PTPRO: variants seen among roughly 807,000 people sequenced by gnomAD.
The protein encoded by PTPRO is protein tyrosine phosphatase receptor type O.
PTPRO carries 62 observed loss-of-function variants against 145.2 expected under a neutral mutation model. The ratio of observed to expected loss-of-function variants is 0.43; its 90% CI spans 0.35 to 0.53. The LOEUF is 0.53. Among genes scored for constraint, PTPRO ranks in the 20% least tolerant of loss-of-function variants. The pLI is 0.01. For missense variants in PTPRO, 1,345 were observed against 1,482.7 expected (o/e 0.91, Z 1.53); for synonymous variants, 565 against 514.7 (o/e 1.10, Z -1.32).
chr12:15,347,931 T>C (rs1937647503), intron 1 of PTPRO, among the ~76,000 whole-genome samples: 1 of 152,158 alleles, frequency 6.6e-6, no homozygotes, highest in Admixed American at 6.5e-5. Context: ...TCTAATATAC[T>C]TAAAAGACAG....
rs1031150229 is a variant in PTPRO at position 15,526,225 on chromosome 12, A to G, written c.2127A>G (p.Arg709=). 23 of 1,613,886 alleles carry G rather than the reference A, an allele frequency of 1.4e-5. No homozygotes were observed. The African/African-American group carries it at 2.1e-4, about 15-fold the overall frequency. ...TCTCAGTAACTGCTTGTACTGAAAG[A>G]GGAAGTAATACCTCCATGCTCCGCC... is the stretch of plus-strand genomic sequence containing the variant. ...YNLSVTACTE[R]GSNTSMLRLV... Residue 709 remains arginine (R), a synonymous_variant, in exon 12 of 27, where the codon AGA becomes AGG. Transcript: ENST00000281171.
intron 23 of PTPRO, among the ~76,000 whole-genome samples, chr12:15,582,087 G>A (rs1183232546): frequency 6.6e-6 from 1 of 152,232 alleles, no homozygotes; most frequent in African/African-American, 2.4e-5. Context: ...GATGGGTCTG[G>A]CTAGTTATCT....
At chr12:15,415,575 G>C (rs7962905) in intron 1 of PTPRO, among the ~76,000 whole-genome samples, 2 of 149,980 alleles carry the variant, frequency 1.3e-5, no homozygotes, top group South Asian at 4.2e-4. Flanking sequence ...TAGTAGAGAC[G>C]GGGTTTCACT....
chr12:15,595,040 A>T lies in PTPRO; in HGVS notation c.3650A>T (p.Ter1217LeuextTer25). 6.2e-7 allele frequency: 1 copy of T among 1,611,748 alleles called. No individual in the cohort carries two copies. The highest frequency in any genetic ancestry group is 8.5e-7 in the Non-Finnish European group (1 of 1,177,998). ...DVIYENVSKS[*>L] ...ATATACGAGAATGTTAGCAAGTCCT[A>T]GTTCAGAATCCGGAGCAGTAAGTGG... The change falls in exon 26 of 27, where the codon TAG (stop) becomes TTG (leucine). Residue 1217 changes from the stop codon to leucine (L), a stop_lost. Coordinates refer to ENST00000281171, the MANE Select transcript of PTPRO (RefSeq NM_030667.3).
intron 10 of PTPRO, among the ~76,000 whole-genome samples, chr12:15,520,906 C>T (rs1052466660): frequency 5.9e-5 from 9 of 152,074 alleles, no homozygotes; most frequent in African/African-American, 1.9e-4. Flanking sequence ...ATTACAACTT[C>T]ATTATTATAT....
chr12:15,332,341 A>T (rs1231297234), intron 1 of PTPRO, among the ~76,000 whole-genome samples: 1 of 152,212 alleles, frequency 6.6e-6, no homozygotes, highest in Non-Finnish European at 1.5e-5. Context: ...CTGTAATTTA[A>T]ATCTCAGAAT....
intron 1 of PTPRO, among the ~76,000 whole-genome samples, chr12:15,395,851 A>C (rs1939323920): frequency 6.6e-6 from 1 of 151,834 alleles, no homozygotes; most frequent in Admixed American, 6.6e-5. Flanking sequence ...TGATGATGGA[A>C]ACTCTTGTAT....
intron 1 of PTPRO, among the ~76,000 whole-genome samples, chr12:15,380,166 A>G (rs184001455): frequency 6.6e-6 from 1 of 152,292 alleles, no homozygotes; most frequent in East Asian, 1.9e-4. Flanking sequence ...AAAATGGAGG[A>G]AATAATACAT....
At chr12:15,548,436 C>T (rs1280277198) in intron 13 of PTPRO, among the ~76,000 whole-genome samples, 1 of 151,666 alleles carries the variant, frequency 6.6e-6, no homozygotes, top group Non-Finnish European at 1.5e-5. Context: ...GTGACACTAG[C>T]AAAGAATATA....
At chr12:15,353,912 G>A (rs1937894811) in intron 1 of PTPRO, among the ~76,000 whole-genome samples, 1 of 152,112 alleles carries the variant, frequency 6.6e-6, no homozygotes, top group South Asian at 2.1e-4. Context: ...ATGCTTCAGG[G>A]TCTTCATCCC....
At chr12:15,483,136 C>A (rs1438130231) in intron 1 of PTPRO, among the ~76,000 whole-genome samples, 3 of 152,008 alleles carry the variant, frequency 2.0e-5, no homozygotes, top group African/African-American at 7.2e-5. Flanking sequence ...ACCCGGGACA[C>A]TACATACCTA....
At chr12:15,550,023 C>T (rs1030566390) in intron 14 of PTPRO, among the ~76,000 whole-genome samples, 3 of 152,082 alleles carry the variant, frequency 2.0e-5, no homozygotes, top group Non-Finnish European at 4.4e-5. Flanking sequence ...CATCCTTGTA[C>T]ACTTTCTAAA....
At chr12:15,363,895 T>G (rs1386057965) in intron 1 of PTPRO, among the ~76,000 whole-genome samples, 3 of 152,164 alleles carry the variant, frequency 2.0e-5, no homozygotes, top group African/African-American at 7.2e-5. Context: ...ATTATAGAAT[T>G]TGTAAAAGCT....
At chr12:15,449,856 C>G (rs1407684190) in intron 1 of PTPRO, among the ~76,000 whole-genome samples, 1 of 152,118 alleles carries the variant, frequency 6.6e-6, no homozygotes, top group Non-Finnish European at 1.5e-5. Context: ...CTAAAATTAT[C>G]CTAAAATAAA....
At chr12:15,581,932 G>A in intron 23 of PTPRO, 131 bp downstream of exon 23, 3 of 1,258,582 alleles carry the variant, frequency 2.4e-6, no homozygotes, top group Non-Finnish European at 3.4e-6. Flanking sequence ...CGAGTGTGGA[G>A]TGGGAAATCA....
chr12:15,447,881 G>C (rs777498691), intron 1 of PTPRO, among the ~76,000 whole-genome samples: 4 of 152,092 alleles, frequency 2.6e-5, no homozygotes, highest in Non-Finnish European at 5.9e-5. Context: ...AAAATCCCCT[G>C]TATGAGGGAA....
At chr12:15,573,178 C>T (rs1944098713) in intron 19 of PTPRO, among the ~76,000 whole-genome samples, 2 of 152,092 alleles carry the variant, frequency 1.3e-5, no homozygotes, top group African/African-American at 2.4e-5. Flanking sequence ...GAAGGGCAGG[C>T]TGGCAGGCTG....
chr12:15,561,040 G>C lies in PTPRO; in HGVS notation c.2711+764G>C, dbSNP rs528209851. Among the ~76,000 whole-genome samples, 41 of 152,136 alleles carry C rather than the reference G, an allele frequency of 2.7e-4. No homozygotes were observed. In the South Asian group the frequency reaches 6.7e-3, roughly 25 times the overall value. ...AATGATAACAGTAACCTTGAATTCTGAGACTAAAGAATTAAGAACTCTTTC... is the reference window on the plus strand; with the variant it reads ...AATGATAACAGTAACCTTGAATTCTCAGACTAAAGAATTAAGAACTCTTTC... On this transcript the variant is annotated intron_variant, in intron 17 of 26. Transcript: ENST00000281171.
At chr12:15,533,103 G>A (rs1447553489) in intron 12 of PTPRO, among the ~76,000 whole-genome samples, 1 of 152,156 alleles carries the variant, frequency 6.6e-6, no homozygotes, top group African/African-American at 2.4e-5. Context: ...ACATAGGACT[G>A]TGAGTTAAAA....
Sources: gnomAD v4.1 joint callset for allele counts (sites outside exome capture counted in the v4.1 genomes callset) on GRCh38, gnomAD v4.1.1 for gene constraint, MANE v1.5 for transcripts, NCBI Gene and HGNC (gene_info 2026-07-23, HGNC 2026-07-21) for gene names.